Variants in PIP5K1B observed in about 807,000 individuals in gnomAD.
PIP5K1B encodes phosphatidylinositol-4-phosphate 5-kinase type 1 beta.
Under a neutral mutation model 67.0 loss-of-function variants are expected in PIP5K1B, and 42 were observed. The ratio of observed to expected loss-of-function variants is 0.63; its 90% confidence interval spans 0.49 to 0.81. PIP5K1B has a LOEUF of 0.81. Ranked by LOEUF, PIP5K1B falls within the 30% of genes least tolerant of loss-of-function variation. The pLI is 0.00. For missense variants in PIP5K1B, 459 were observed against 646.3 expected (o/e 0.71, Z 3.14); for synonymous variants, 214 against 231.4 (o/e 0.92, Z 0.68).
intron 14 of PIP5K1B, among the ~76,000 whole-genome samples, chr9:68,947,253 C>T (rs1827845439): frequency 6.6e-6 from 1 of 152,218 alleles, no homozygotes; most frequent in Non-Finnish European, 1.5e-5. Context: ...GCAGCTCCCA[C>T]CATGAGCTCT....
chr9:68,855,431 G>C (rs143298663), intron 4 of PIP5K1B, among the ~76,000 whole-genome samples: 1 of 152,232 alleles, frequency 6.6e-6, no homozygotes, highest in Non-Finnish European at 1.5e-5. Context: ...TCTATCCCAA[G>C]CTCCAGACTT....
chr9:68,891,271 G>A (rs1358066390), intron 7 of PIP5K1B, among the ~76,000 whole-genome samples: 1 of 151,930 alleles, frequency 6.6e-6, no homozygotes, highest in South Asian at 2.1e-4. Flanking sequence ...AAATTTAGCT[G>A]AACAAGTGAT....
At chr9:68,991,976 T>TG (rs199887177) in intron 15 of PIP5K1B, among the ~76,000 whole-genome samples, 11,471 of 150,192 alleles carry the variant, frequency 0.076, 581 homozygotes, top group Non-Finnish European at 0.12. Flanking sequence ...AAAATTTTTT[T>TG]TGGGGGGGGG....
At chr9:68,754,835 A>G (rs1419929078) in intron 2 of PIP5K1B, among the ~76,000 whole-genome samples, 1 of 152,222 alleles carries the variant, frequency 6.6e-6, no homozygotes, top group Non-Finnish European at 1.5e-5. Flanking sequence ...GAGTTTCACT[A>G]TCATAAATGA....
chr9:68,871,641 T>G (rs1823629637), intron 5 of PIP5K1B, among the ~76,000 whole-genome samples: 1 of 152,216 alleles, frequency 6.6e-6, no homozygotes, highest in African/African-American at 2.4e-5. Context: ...ACAGAGAAAC[T>G]TCTGTTCTTT....
At chr9:68,928,183 A>C (rs1191047427) in intron 12 of PIP5K1B, among the ~76,000 whole-genome samples, 1 of 152,208 alleles carries the variant, frequency 6.6e-6, no homozygotes, top group Non-Finnish European at 1.5e-5. Context: ...TAGCAGTACC[A>C]TACTATCCTC....
intron 5 of PIP5K1B, among the ~76,000 whole-genome samples, chr9:68,865,326 C>CATG (rs1370691114): frequency 1.3e-5 from 2 of 151,650 alleles, no homozygotes; most frequent in Non-Finnish European, 2.9e-5. Context: ...ATATTAACTA[C>CATG]ATGTTTTTCT....
chr9:68,729,061 C>T (rs1288643092), intron 1 of PIP5K1B: 2 of 152,084 alleles, frequency 1.3e-5, no homozygotes, highest in East Asian at 3.8e-4. Flanking sequence ...ATGATTTCTT[C>T]CTATGTTTAA....
chr9:68,842,651 G>A (rs1821974533), intron 4 of PIP5K1B, among the ~76,000 whole-genome samples: 1 of 152,174 alleles, frequency 6.6e-6, no homozygotes, highest in Admixed American at 6.5e-5. Context: ...CCTCCAGAGG[G>A]CATTTATTAC....
chr9:68,923,292 G>C lies in PIP5K1B; in HGVS notation c.1117-10G>C, dbSNP rs201332495. ...GGTGACCCTGTGATCCTGGGTTTTTGTCTTTTCAGGACACTGTTTCTGTTC... is the reference window on the plus strand; with the variant it reads ...GGTGACCCTGTGATCCTGGGTTTTTCTCTTTTCAGGACACTGTTTCTGTTC... On this transcript the variant is annotated splice_polypyrimidine_tract_variant and intron_variant, in intron 11 of 15. Transcript: ENST00000265382. 1.4e-5 allele frequency: 21 copies of C among 1,545,252 alleles called. No homozygotes were observed. The South Asian group carries it at 1.4e-4, about 10-fold the overall frequency.
At chr9:68,714,547 G>T (rs776449666) in intron 1 of PIP5K1B, among the ~76,000 whole-genome samples, 6 of 152,180 alleles carry the variant, frequency 3.9e-5, no homozygotes, top group Non-Finnish European at 7.3e-5. Flanking sequence ...CAGGGCACTT[G>T]TGATGGTTGG....
intron 1 of PIP5K1B, chr9:68,728,889 T>A (rs1424410395): frequency 1.3e-5 from 2 of 152,202 alleles, no homozygotes; most frequent in Non-Finnish European, 2.9e-5. Context: ...GTTTTGCTAA[T>A]CAGTGAAGAT....
intron 4 of PIP5K1B, among the ~76,000 whole-genome samples, chr9:68,854,424 C>T (rs762800892): frequency 1.3e-5 from 2 of 152,128 alleles, no homozygotes; most frequent in Non-Finnish European, 2.9e-5. Context: ...GCCACCATAC[C>T]TGGACAGGAC....
intron 12 of PIP5K1B, among the ~76,000 whole-genome samples, chr9:68,924,166 C>T (rs1157635668): frequency 1.3e-5 from 2 of 149,360 alleles, no homozygotes; most frequent in Non-Finnish European, 3.0e-5. Context: ...CTTTGGGAGG[C>T]TGAGGCGGGC....
intron 14 of PIP5K1B, among the ~76,000 whole-genome samples, chr9:68,945,457 G>A (rs1035905047): frequency 2.0e-5 from 3 of 152,140 alleles, no homozygotes; most frequent in Admixed American, 6.6e-5. Flanking sequence ...ATGGGCTTAC[G>A]TTAATGTCTA....
chr9:68,839,349 A>C (rs552994404), intron 4 of PIP5K1B, among the ~76,000 whole-genome samples: 2 of 152,282 alleles, frequency 1.3e-5, no homozygotes, highest in East Asian at 3.9e-4. Flanking sequence ...CTCTTGCAGC[A>C]GTCATTTTAT....
At chr9:68,853,508 G>A (rs1587559287) in intron 4 of PIP5K1B, among the ~76,000 whole-genome samples, 1 of 152,186 alleles carries the variant, frequency 6.6e-6, no homozygotes, top group East Asian at 1.9e-4. Flanking sequence ...TGTGCTCCCT[G>A]GAGCCTGGAG....
chr9:68,767,486 C>T (rs185765422), intron 2 of PIP5K1B, among the ~76,000 whole-genome samples: 14 of 150,630 alleles, frequency 9.3e-5, no homozygotes, highest in African/African-American at 3.2e-4. Context: ...CCCATCTATT[C>T]GGGAGGCTGA....
At chr9:68,852,923 T>A (rs965051467) in intron 4 of PIP5K1B, among the ~76,000 whole-genome samples, 7 of 150,638 alleles carry the variant, frequency 4.6e-5, no homozygotes, top group South Asian at 2.1e-4. Context: ...TGTTTTTTTT[T>A]ATAGGACTTG....
Sources: gnomAD v4.1 joint callset for allele counts (sites outside exome capture counted in the v4.1 genomes callset) on GRCh38, gnomAD v4.1.1 for gene constraint, MANE v1.5 for transcripts, NCBI Gene and HGNC (gene_info 2026-07-23, HGNC 2026-07-21) for gene names.